TIPRL: variants seen among roughly 807,000 people sequenced by gnomAD.
TIPRL encodes the protein TOR signaling pathway regulator.
In TIPRL, 10 loss-of-function variants were observed where a neutral mutation model predicts 32.3. The ratio of observed to expected loss-of-function variants is 0.31; its 90% CI spans 0.19 to 0.52. The LOEUF (loss-of-function observed/expected upper bound fraction) is 0.52. Ranked by LOEUF, TIPRL falls within the 20% of genes least tolerant of loss-of-function variation. TIPRL has a pLI of 0.96. For missense variants in TIPRL, 250 were observed against 328.1 expected (o/e 0.76, Z 1.84); for synonymous variants, 100 against 114.0 (o/e 0.88, Z 0.78).
At chr1:168,185,422 C>T (rs1459359262) in intron 3 of TIPRL, among the ~76,000 whole-genome samples, 1 of 152,110 alleles carries the variant, frequency 6.6e-6, no homozygotes, top group Non-Finnish European at 1.5e-5. Flanking sequence ...GGGAAGCTCT[C>T]AATAAATTCT....
intron 3 of TIPRL, among the ~76,000 whole-genome samples, chr1:168,186,234 GC>G (rs1433599717): frequency 6.6e-6 from 1 of 152,158 alleles, no homozygotes; most frequent in African/African-American, 2.4e-5. Flanking sequence ...AATGGCTCAC[GC>G]CTGTAATCCC....
chr1:168,191,286 A>T (rs1700093604), intron 3 of TIPRL, 83 bp from the exon 4 acceptor site: 4 of 1,299,706 alleles, frequency 3.1e-6, no homozygotes, highest in Non-Finnish European at 4.2e-6. Context: ...ATTGAAAAAG[A>T]AAAGAAAAGA....
At chr1:168,197,758 C>G (rs936986167) in intron 5 of TIPRL, among the ~76,000 whole-genome samples, 7 of 152,106 alleles carry the variant, frequency 4.6e-5, no homozygotes, top group African/African-American at 1.7e-4. Context: ...AACTCCTGAC[C>G]TCAAGTGATC....
At chr1:168,194,144 T>C (rs749077450) in intron 4 of TIPRL, among the ~76,000 whole-genome samples, 36 of 152,230 alleles carry the variant, frequency 2.4e-4, no homozygotes, top group Middle Eastern at 3.4e-3. Flanking sequence ...TTATTATCTA[T>C]GTAAAATGGA....
intron 3 of TIPRL, 76 bp downstream of exon 3, chr1:168,184,954 G>T (rs970606130): frequency 1.6e-5 from 14 of 880,294 alleles, no homozygotes; most frequent in Non-Finnish European, 2.3e-5. Context: ...CTAGTAACGG[G>T]TTATTTTTTG....
Position 168,200,144 on chromosome 1 carries a change from G to A in TIPRL, c.*98G>A, listed in dbSNP as rs1202886983. The A allele has an allele frequency of 4.5e-6, 6 of 1,341,366 alleles. No individual in the cohort carries two copies. In the African/African-American group the frequency reaches 7.5e-5, roughly 17 times the overall value. 83.1% of individuals were successfully genotyped at this position (1,341,366 alleles called of 1,614,324 possible). ...TATGAGAATTAATTGCCTTGTTTAT[G>A]TACAGATTTTCTGTAGCCTTAAAGG... On this transcript the variant is annotated 3_prime_UTR_variant, in exon 7 of 7. Transcript: ENST00000367833.
In TIPRL at chr1:168,184,219, A is replaced by G. The variant is rs982128274; in HGVS notation, c.284+138A>G. The G allele has an allele frequency of 1.0e-4, 89 of 858,960 alleles. 1 individual carries two copies. In the African/African-American group the frequency reaches 1.3e-3, roughly 13 times the overall value. The allele number at this position is 858,960 out of a possible 1,614,324, so 53.2% of individuals were successfully genotyped here. ...TGGTATTATTAAACTTGAGAGTTGT[A>G]TCATTCTAGAATTCGTTTTTCTCAG... On this transcript the variant is annotated intron_variant, in intron 2 of 6. Transcript: ENST00000367833.
Position 168,178,996 on chromosome 1 carries a change from G to A in TIPRL, c.-82G>A. On this transcript the variant is annotated 5_prime_UTR_variant, in exon 1 of 7. Transcript: ENST00000367833. ...GCTCGGAAGCCTAGGAGGCTGGGCC[G>A]GAGGGAGGCGGAGGAACCGGTGTTC... 1 of 1,278,644 alleles carries A rather than the reference G, an allele frequency of 7.8e-7. No homozygotes were observed. The highest frequency in any genetic ancestry group is 1.1e-6 in the Non-Finnish European group (1 of 915,158). 79.2% of individuals were successfully genotyped at this position (1,278,644 alleles called of 1,614,324 possible). A position where few individuals can be genotyped will look rare whatever the true frequency, so the allele number is the denominator to read the frequency against.
At chr1:168,189,038 T>C (rs917211398) in intron 3 of TIPRL, among the ~76,000 whole-genome samples, 2 of 151,732 alleles carry the variant, frequency 1.3e-5, no homozygotes, top group African/African-American at 4.8e-5. Flanking sequence ...TCATCTCTGA[T>C]TTGGGAGGAA....
intron 5 of TIPRL, among the ~76,000 whole-genome samples, chr1:168,197,323 G>T (rs1700169172): frequency 6.6e-6 from 1 of 151,826 alleles, no homozygotes; most frequent in Non-Finnish European, 1.5e-5. Context: ...AAGTTATACA[G>T]TTAGTAGGTG....
At chr1:168,188,518 T>G (rs1700055613) in intron 3 of TIPRL, among the ~76,000 whole-genome samples, 1 of 152,230 alleles carries the variant, frequency 6.6e-6, no homozygotes, top group South Asian at 2.1e-4. Context: ...TTTCATGTAA[T>G]TTTTATGTGT....
Position 168,200,192 on chromosome 1 carries a change from A to G in TIPRL, c.*146A>G. 1 of 858,282 alleles carries G rather than the reference A, an allele frequency of 1.2e-6. No individual in the cohort carries two copies. The highest frequency in any genetic ancestry group is 1.7e-6 in the Non-Finnish European group (1 of 586,898). The allele number at this position is 858,282 out of a possible 1,614,324, so 53.2% of individuals were successfully genotyped here. A position where few individuals can be genotyped will look rare whatever the true frequency, so the allele number is the denominator to read the frequency against. ...AGGAAAAAAAAATAAAGATCGTTAC[A>G]GGCAGGTTTCACTCAACTGCTGTTT... is the stretch of plus-strand genomic sequence containing the variant. On this transcript the variant is annotated 3_prime_UTR_variant, in exon 7 of 7. Coordinates refer to ENST00000367833, the MANE Select transcript of TIPRL (RefSeq NM_152902.5).
chr1:168,185,258 C>T (rs115580146), intron 3 of TIPRL, among the ~76,000 whole-genome samples: 1,984 of 152,252 alleles, frequency 0.013, 45 homozygotes, highest in African/African-American at 0.045. Flanking sequence ...AAAAGAACTT[C>T]TGGTTAGACA....
intron 5 of TIPRL, among the ~76,000 whole-genome samples, chr1:168,198,506 A>G (rs1700180472): frequency 6.6e-6 from 1 of 152,212 alleles, no homozygotes; most frequent in Non-Finnish European, 1.5e-5. Context: ...ATGTTTTGCA[A>G]CATAAAAGTA....
At chr1:168,197,274 AC>A (rs1178220142) in intron 5 of TIPRL, among the ~76,000 whole-genome samples, 1 of 132,442 alleles carries the variant, frequency 7.6e-6, no homozygotes, top group East Asian at 2.1e-4. Context: ...ACAGAGCAAG[AC>A]CCTGTCTCAA....
chr1:168,189,376 A>T (rs567597392), intron 3 of TIPRL, among the ~76,000 whole-genome samples: 64 of 152,202 alleles, frequency 4.2e-4, no homozygotes, highest in African/African-American at 1.5e-3. Flanking sequence ...ATAGAGTTTC[A>T]TTCTTGTCGC....
At chr1:168,182,024 A>G (rs980852420) in intron 1 of TIPRL, among the ~76,000 whole-genome samples, 2 of 151,766 alleles carry the variant, frequency 1.3e-5, no homozygotes, top group Non-Finnish European at 2.9e-5. Context: ...AGATCGTGCC[A>G]CTGTGCTCCA....
intron 3 of TIPRL, among the ~76,000 whole-genome samples, chr1:168,187,686 A>T (rs963860317): frequency 1.3e-5 from 2 of 152,200 alleles, no homozygotes; most frequent in Non-Finnish European, 1.5e-5. Flanking sequence ...AAATAAAATT[A>T]TGTATGTAGG....
At position 168,179,729 on chromosome 1, in the gene TIPRL, G is replaced by A. The variant is rs111837821; in HGVS notation, c.104+548G>A. Among the ~76,000 whole-genome samples the A allele has an allele frequency of 5.4e-3, 820 of 152,264 alleles. 5 individuals are homozygous for A. Among genetic ancestry groups the A allele is most frequent in the African/African-American group, 0.019 (790 of 41,524 alleles). On this transcript the variant is annotated intron_variant, in intron 1 of 6. Coordinates refer to ENST00000367833, the MANE Select transcript of TIPRL (RefSeq NM_152902.5). The stretch of plus-strand genomic sequence containing the variant: ...GGGGCTCGAACCATCTGGGAAATTG[G>A]GATGCCTGAACTGAATCTTTATAAA...
Sources: allele counts gnomAD v4.1 joint callset (sites outside exome capture counted in the v4.1 genomes callset), GRCh38; gene constraint gnomAD v4.1.1; transcripts MANE v1.5; gene names NCBI Gene and HGNC (gene_info 2026-07-23, HGNC 2026-07-21).